Variants in CDH18 observed in about 807,000 individuals in gnomAD.
CDH18 encodes cadherin 18, also known as cadherin-18.
CDH18 carries 31 observed loss-of-function variants against 67.9 expected under a neutral mutation model. That is an observed-to-expected ratio of 0.46 (90% confidence interval 0.34 to 0.62). CDH18 has a LOEUF of 0.62. CDH18 is among the 20% of genes least tolerant of loss of function. The pLI, the probability that CDH18 is intolerant of heterozygous loss-of-function variation, is 0.01. For missense variants in CDH18, 890 were observed against 975.5 expected (o/e 0.91, Z 1.17); for synonymous variants, 362 against 347.2 (o/e 1.04, Z -0.48).
At chr5:20,414,455 G>A (rs553200133) in intron 1 of CDH18, among the ~76,000 whole-genome samples, 8 of 152,176 alleles carry the variant, frequency 5.3e-5, no homozygotes, top group Non-Finnish European at 1.0e-4. Flanking sequence ...AATAGACACT[G>A]GGCTTCCCAA....
At chr5:20,242,644 A>ATATG in intron 2 of CDH18, among the ~76,000 whole-genome samples, 1 of 138,796 alleles carries the variant, frequency 7.2e-6, no homozygotes, top group African/African-American at 2.8e-5. Context: ...GTATATATAT[A>ATATG]TATATATGTA....
At chr5:20,122,438 T>C (rs1748437605) in intron 2 of CDH18, among the ~76,000 whole-genome samples, 1 of 152,176 alleles carries the variant, frequency 6.6e-6, no homozygotes. Context: ...ATCAGGTTTT[T>C]ATGAAAAAGA....
chr5:20,074,039 A>C (rs1743715623), intron 2 of CDH18, among the ~76,000 whole-genome samples: 1 of 152,176 alleles, frequency 6.6e-6, no homozygotes, highest in African/African-American at 2.4e-5. Context: ...ATTGTCTTAC[A>C]CATAAACCTT....
intron 8 of CDH18, among the ~76,000 whole-genome samples, chr5:19,546,770 G>A (rs149014173): frequency 6.6e-6 from 1 of 152,028 alleles, no homozygotes; most frequent in Non-Finnish European, 1.5e-5. Context: ...TAGCAGCATG[G>A]AGAATGAAAC....
intron 2 of CDH18, among the ~76,000 whole-genome samples, chr5:20,006,033 G>A (rs534146691): frequency 2.6e-5 from 4 of 151,958 alleles, no homozygotes; most frequent in Admixed American, 1.3e-4. Flanking sequence ...ACAACTAGGT[G>A]TTCAAATCAA....
chr5:20,149,848 G>A (rs1379903665), intron 2 of CDH18, among the ~76,000 whole-genome samples: 2 of 152,014 alleles, frequency 1.3e-5, no homozygotes, highest in African/African-American at 4.8e-5. Flanking sequence ...ATCAAAAAAT[G>A]TAGGAAAGAA....
intron 2 of CDH18, among the ~76,000 whole-genome samples, chr5:20,202,335 T>G (rs547236157): frequency 3.3e-5 from 5 of 152,284 alleles, no homozygotes; most frequent in African/African-American, 9.6e-5. Context: ...GCTGAGAAAT[T>G]TATTGAAATA....
At chr5:19,540,495 T>C (rs959197421) in intron 9 of CDH18, among the ~76,000 whole-genome samples, 1 of 152,166 alleles carries the variant, frequency 6.6e-6, no homozygotes, top group African/African-American at 2.4e-5. Flanking sequence ...CACGTTTCCC[T>C]TCTGTACTGC....
chr5:19,996,049 CA>C (rs1202235374), intron 2 of CDH18, among the ~76,000 whole-genome samples: 1 of 151,874 alleles, frequency 6.6e-6, no homozygotes, highest in Non-Finnish European at 1.5e-5. Flanking sequence ...CTTTTGTTCA[CA>C]AAAAAGGGTT....
intron 2 of CDH18, among the ~76,000 whole-genome samples, chr5:19,890,895 G>A (rs564896962): frequency 9.2e-5 from 14 of 152,070 alleles, no homozygotes; most frequent in South Asian, 8.3e-4. Context: ...ATAGATTTGC[G>A]TAGAAAACCA....
At chr5:20,089,709 A>G (rs1266640180) in intron 2 of CDH18, among the ~76,000 whole-genome samples, 1 of 152,112 alleles carries the variant, frequency 6.6e-6, no homozygotes, top group African/African-American at 2.4e-5. Context: ...TATGATGGCA[A>G]TTTTATTGTT....
chr5:19,799,448 AC>A (rs1581401581), intron 3 of CDH18, among the ~76,000 whole-genome samples: 2 of 151,634 alleles, frequency 1.3e-5, no homozygotes, highest in East Asian at 3.9e-4. Context: ...ACACACACAC[AC>A]ACACACACAC....
intron 2 of CDH18, among the ~76,000 whole-genome samples, chr5:20,127,690 G>C (rs1580305058): frequency 1.3e-5 from 2 of 152,050 alleles, no homozygotes; most frequent in East Asian, 3.9e-4. Context: ...CCAGTGGCTG[G>C]AGCAAATGGG....
At chr5:19,859,891 T>G (rs529615527) in intron 2 of CDH18, among the ~76,000 whole-genome samples, 28 of 152,172 alleles carry the variant, frequency 1.8e-4, no homozygotes, top group Admixed American at 1.4e-3. Context: ...ATAAACCTCT[T>G]CAAATACTTT....
chr5:20,267,273 T>C (rs879887818), intron 1 of CDH18, among the ~76,000 whole-genome samples: 1 of 152,178 alleles, frequency 6.6e-6, no homozygotes, highest in Admixed American at 6.5e-5. Context: ...GGATTCTCTG[T>C]TTTGTTCCAT....
At chr5:20,401,815 A>C (rs1745794426) in intron 1 of CDH18, among the ~76,000 whole-genome samples, 1 of 152,180 alleles carries the variant, frequency 6.6e-6, no homozygotes, top group South Asian at 2.1e-4. Context: ...TGATGTTTCC[A>C]GTAATTAACT....
At chr5:20,232,699 C>A (rs147573652) in intron 2 of CDH18, among the ~76,000 whole-genome samples, 1,709 of 152,104 alleles carry the variant, frequency 0.011, 32 homozygotes, top group African/African-American at 0.039. Context: ...CATGTGAAGA[C>A]AATTTTTAAG....
chr5:20,116,892 AAAAGT>A (rs1747958527), intron 2 of CDH18, among the ~76,000 whole-genome samples: 1 of 152,202 alleles, frequency 6.6e-6, no homozygotes, highest in East Asian at 1.9e-4. Context: ...ATGGGGTTAT[AAAAGT>A]AAACAAAAGA....
intron 11 of CDH18, among the ~76,000 whole-genome samples, chr5:19,486,825 T>C (rs973460891): frequency 2.0e-5 from 3 of 151,618 alleles, no homozygotes; most frequent in Admixed American, 6.6e-5. Flanking sequence ...TAAGATATTA[T>C]AGAAAGTCTC....
Sources: allele counts gnomAD v4.1 joint callset (sites outside exome capture counted in the v4.1 genomes callset), GRCh38; gene constraint gnomAD v4.1.1; transcripts MANE v1.5; gene names NCBI Gene and HGNC (gene_info 2026-07-23, HGNC 2026-07-21).